WDR76: variants seen among roughly 807,000 people sequenced by gnomAD.
The protein encoded by WDR76 is WD repeat domain 76, also known as WD repeat-containing protein 76.
In WDR76, 52 loss-of-function variants were observed where a neutral mutation model predicts 70.2. That is an observed-to-expected ratio of 0.74 (90% CI 0.59 to 0.93). The LOEUF is 0.93. Among genes scored for constraint, WDR76 ranks in the 40% least tolerant of loss-of-function variants. The pLI is 0.00. For synonymous variants in WDR76, 292 were observed against 271.1 expected (o/e 1.08, Z -0.76); for missense variants, 756 against 760.2 (o/e 0.99, Z 0.07).
rs571351311 is a variant in WDR76 at position 43,867,345 on chromosome 15, A to C, written c.*953A>C. Reference sequence around the variant, plus strand: ...TCTGCCCTGGTCCCGGCATTCCAGTATAAGATTGCCTCAGACCTGTGTTTT... The same window carrying C: ...TCTGCCCTGGTCCCGGCATTCCAGTCTAAGATTGCCTCAGACCTGTGTTTT... On this transcript the variant is annotated 3_prime_UTR_variant, in exon 13 of 13. Transcript: ENST00000263795. The C allele has an allele frequency of 6.6e-6, 1 of 152,188 alleles. No individual in the cohort carries two copies. The highest frequency in any genetic ancestry group is 2.1e-4 in the South Asian group (1 of 4,826). 9.4% of individuals were successfully genotyped at this position (152,188 alleles called of 1,614,324 possible). A position where few individuals can be genotyped will look rare whatever the true frequency, so the allele number is the denominator to read the frequency against.
intron 5 of WDR76, among the ~76,000 whole-genome samples, chr15:43,840,378 A>G (rs2087709634): frequency 6.6e-6 from 1 of 152,154 alleles, no homozygotes; most frequent in African/African-American, 2.4e-5. Context: ...GTAAAGATAA[A>G]TGAAATCATA....
At chr15:43,859,101 C>G (rs16977724) in intron 11 of WDR76, among the ~76,000 whole-genome samples, 1 of 152,000 alleles carries the variant, frequency 6.6e-6, no homozygotes, top group South Asian at 2.1e-4. Context: ...TCCCAGAAAC[C>G]AGGCTGTGTA....
intron 10 of WDR76, 49 bp from the exon 11 acceptor site, chr15:43,858,622 T>A: frequency 6.3e-7 from 1 of 1,598,160 alleles, no homozygotes; most frequent in Non-Finnish European, 8.5e-7. Context: ...GTTGTAGAGG[T>A]TCATTACATG....
At chr15:43,842,596 A>C in intron 6 of WDR76, 32 bp from the exon 7 acceptor site, 1 of 1,604,098 alleles carries the variant, frequency 6.2e-7, no homozygotes, top group Non-Finnish European at 8.5e-7. Flanking sequence ...ATACATACTA[A>C]CTTAGTTCTT....
intron 7 of WDR76, 75 bp downstream of exon 7, chr15:43,842,746 G>A: frequency 7.2e-7 from 1 of 1,379,662 alleles, no homozygotes; most frequent in Non-Finnish European, 1.0e-6. Flanking sequence ...GCCATTTTAG[G>A]GAATTTTGAA....
intron 9 of WDR76, among the ~76,000 whole-genome samples, chr15:43,853,737 C>G (rs2087892069): frequency 6.6e-6 from 1 of 151,784 alleles, no homozygotes; most frequent in Non-Finnish European, 1.5e-5. Context: ...GAAACCCCAT[C>G]TCTACTAAAA....
At chr15:43,838,571 A>G (rs2087685868) in intron 4 of WDR76, among the ~76,000 whole-genome samples, 1 of 152,164 alleles carries the variant, frequency 6.6e-6, no homozygotes, top group Non-Finnish European at 1.5e-5. Context: ...CACATACAAT[A>G]TGCCTTTTTT....
At chr15:43,840,114 C>T (rs1409493008) in intron 5 of WDR76, among the ~76,000 whole-genome samples, 1 of 152,220 alleles carries the variant, frequency 6.6e-6, no homozygotes, top group African/African-American at 2.4e-5. Context: ...CTGCCTCGGC[C>T]TCCCAAAGTG....
chr15:43,857,233 C>A, intron 10 of WDR76, 70 bp downstream of exon 10: 1 of 1,424,218 alleles, frequency 7.0e-7, no homozygotes, highest in South Asian at 1.4e-5. Flanking sequence ...GTTTGGTTGT[C>A]AAAGATATTG....
chr15:43,831,596 G>A (rs980615306), intron 2 of WDR76, among the ~76,000 whole-genome samples: 1 of 152,040 alleles, frequency 6.6e-6, no homozygotes, highest in African/African-American at 2.4e-5. Context: ...GTGCCACCAT[G>A]CCTAGCTAAT....
intron 8 of WDR76, among the ~76,000 whole-genome samples, chr15:43,847,653 C>G (rs966094532): frequency 6.6e-6 from 1 of 152,054 alleles, no homozygotes; most frequent in Non-Finnish European, 1.5e-5. Flanking sequence ...GAACTCCTGA[C>G]CTTGTAATCC....
chr15:43,847,022 C>CAAAAAAAAAAAAAAAAAAAAAAAAAA (rs57096588), intron 8 of WDR76, among the ~76,000 whole-genome samples: 1 of 66,700 alleles, frequency 1.5e-5, no homozygotes. Context: ...AACACCACCT[C>CAAAAAAAAAAAAAAAAAAAAAAAAAA]AAAAAAAAAA....
intron 8 of WDR76, 111 bp downstream of exon 8, chr15:43,844,165 G>T: frequency 9.6e-7 from 1 of 1,043,322 alleles, no homozygotes; most frequent in East Asian, 2.9e-5. Flanking sequence ...TTACAATTTT[G>T]GGCTTTATGA....
At chr15:43,842,740 T>C (rs2087741520) in intron 7 of WDR76, 69 bp downstream of exon 7, 1 of 1,388,752 alleles carries the variant, frequency 7.2e-7, no homozygotes, top group South Asian at 1.3e-5. Flanking sequence ...CTATACGCCA[T>C]TTTAGGGAAT....
At chr15:43,859,907 T>C (rs1370724079) in intron 11 of WDR76, among the ~76,000 whole-genome samples, 2 of 152,202 alleles carry the variant, frequency 1.3e-5, no homozygotes, top group East Asian at 1.9e-4. Flanking sequence ...TTCCTTCTGC[T>C]GTAGTGCTCA....
chr15:43,854,795 A>G (rs149912224), intron 9 of WDR76, among the ~76,000 whole-genome samples: 1 of 152,054 alleles, frequency 6.6e-6, no homozygotes, highest in Non-Finnish European at 1.5e-5. Context: ...CTAAAAACAC[A>G]AAAAATTAGA....
chr15:43,867,293 G>A lies in WDR76; in HGVS notation c.*901G>A, dbSNP rs969737543. 3.3e-5 allele frequency: 5 copies of A among 152,074 alleles called. No homozygotes were observed. Among genetic ancestry groups the A allele is most frequent in the Non-Finnish European group, 7.3e-5 (5 of 68,032 alleles). 9.4% of individuals were successfully genotyped at this position (152,074 alleles called of 1,614,324 possible). On this transcript the variant is annotated 3_prime_UTR_variant, in exon 13 of 13. Coordinates refer to ENST00000263795, the MANE Select transcript of WDR76 (RefSeq NM_024908.4). ...ACTCTAGATGGCTCCTGAGACACAG[G>A]CAGGACTCCCAAGCACCGGGTTGGG...
rs549196634 is a variant in WDR76, at chr15:43,851,164, C to T, written c.1110C>T (p.Pro370=). ...CAGTTAGCTGTCTTTACTTCTCACC[C>T]GCCAATCCGGCCCACATACTGTCAC... The part of the protein sequence containing the change: ...SQPVSCLYFS[P]ANPAHILSLS... The change falls in exon 9 of 13, where the codon CCC becomes CCT. Residue 370 remains proline, a synonymous_variant. Coordinates refer to ENST00000263795, the MANE Select transcript of WDR76 (RefSeq NM_024908.4). The T allele has an allele frequency of 1.1e-5, 17 of 1,614,108 alleles. No individual in the cohort carries two copies. In the South Asian group the frequency reaches 1.2e-4, roughly 11 times the overall value.
chr15:43,836,136 T>G (rs764339146), intron 3 of WDR76, 25 bp from the exon 4 acceptor site: 1 of 1,595,432 alleles, frequency 6.3e-7, no homozygotes, highest in Non-Finnish European at 8.5e-7. Context: ...TTATAACATT[T>G]TTACATGATT....
Sources: gnomAD v4.1 joint callset for allele counts (sites outside exome capture counted in the v4.1 genomes callset) on GRCh38, gnomAD v4.1.1 for gene constraint, MANE v1.5 for transcripts, NCBI Gene and HGNC (gene_info 2026-07-23, HGNC 2026-07-21) for gene names.